The following FOXP1 variants were observed in gnomAD, a reference collection of about 807,000 sequenced individuals.
FOXP1 encodes the protein forkhead box P1, also known as forkhead box protein P1.
Under a neutral mutation model 98.2 loss-of-function variants are expected in FOXP1, and 15 were observed. The observed-to-expected ratio is 0.15, with a 90% CI of 0.10 to 0.24. The LOEUF (loss-of-function observed/expected upper bound fraction) is 0.24, where lower values mean the gene tolerates loss of function less well. FOXP1 is among the 10% of genes least tolerant of loss of function. FOXP1 has a pLI of 1.00. For missense variants in FOXP1, 633 were observed against 848.5 expected (o/e 0.75, Z 3.15); for synonymous variants, 371 against 314.5 (o/e 1.18, Z -1.90).
At chr3:71,303,959 A>T (rs2074064046) in intron 4 of FOXP1, among the ~76,000 whole-genome samples, 1 of 152,200 alleles carries the variant, frequency 6.6e-6, no homozygotes, top group South Asian at 2.1e-4. Flanking sequence ...TTGCAGCTTC[A>T]CAAACACTAC....
chr3:71,156,768 A>C (rs2060844554), intron 6 of FOXP1, among the ~76,000 whole-genome samples: 1 of 151,992 alleles, frequency 6.6e-6, no homozygotes, highest in Non-Finnish European at 1.5e-5. Flanking sequence ...AAATGGGCAA[A>C]AAAGAAGACA....
chr3:71,388,065 A>G (rs768900625), intron 3 of FOXP1, among the ~76,000 whole-genome samples: 15 of 152,228 alleles, frequency 9.9e-5, no homozygotes, highest in Non-Finnish European at 1.5e-4. Context: ...AATATAGCCA[A>G]TGCAGCCAGT....
At chr3:71,420,864 G>T (rs1328611621) in intron 3 of FOXP1, among the ~76,000 whole-genome samples, 1 of 151,944 alleles carries the variant, frequency 6.6e-6, no homozygotes, top group Non-Finnish European at 1.5e-5. Context: ...CTGCCACCAT[G>T]CCCGGCTAAT....
chr3:70,961,593 C>T (rs775373367), intron 20 of FOXP1, among the ~76,000 whole-genome samples: 76 of 151,872 alleles, frequency 5.0e-4, no homozygotes, highest in Non-Finnish European at 1.1e-3. Flanking sequence ...TGGGGAGTCA[C>T]CCTCCCAGCA....
intron 7 of FOXP1, among the ~76,000 whole-genome samples, chr3:71,099,424 A>G (rs1371129047): frequency 6.6e-6 from 1 of 152,162 alleles, no homozygotes; most frequent in Non-Finnish European, 1.5e-5. Flanking sequence ...AGGCGGGAGA[A>G]TTGCTTGAAC....
intron 6 of FOXP1, among the ~76,000 whole-genome samples, chr3:71,171,332 C>G (rs1454696386): frequency 9.9e-5 from 15 of 152,182 alleles, no homozygotes; most frequent in Admixed American, 9.2e-4. Flanking sequence ...TACTACCAGA[C>G]AGAAACTCTT....
chr3:71,172,060 C>T (rs1404906006), intron 6 of FOXP1, among the ~76,000 whole-genome samples: 1 of 152,164 alleles, frequency 6.6e-6, no homozygotes, highest in African/African-American at 2.4e-5. Context: ...AGTAACAACC[C>T]AACCTGCTAT....
chr3:71,041,775 CACAGTT>C (rs1309614029), intron 10 of FOXP1, among the ~76,000 whole-genome samples: 1 of 152,062 alleles, frequency 6.6e-6, no homozygotes, highest in Non-Finnish European at 1.5e-5. Flanking sequence ...TGACTCAAAA[CACAGTT>C]ACTTTGCCAC....
At chr3:71,496,592 C>T (rs1407804547) in intron 2 of FOXP1, among the ~76,000 whole-genome samples, 4 of 152,056 alleles carry the variant, frequency 2.6e-5, no homozygotes, top group African/African-American at 4.8e-5. Flanking sequence ...GAGGCCGAGG[C>T]GGGCGGATCA....
At chr3:71,380,574 G>A (rs149030669) in intron 3 of FOXP1, among the ~76,000 whole-genome samples, 3 of 152,188 alleles carry the variant, frequency 2.0e-5, no homozygotes, top group African/African-American at 7.2e-5. Flanking sequence ...AAACATTTTC[G>A]GCAACTTAGA....
In FOXP1 at chr3:71,496,822, A is replaced by AAAC. The variant is rs151031535; in HGVS notation, c.-297-3270_-297-3268dup. On this transcript the variant is annotated intron_variant, in intron 2 of 20. Coordinates refer to ENST00000649528, the MANE Select transcript of FOXP1 (RefSeq NM_001349338.3). The stretch of plus-strand genomic sequence containing the variant: ...CTCTGTCTAAAAAAACAAAAGAAAC[A>AAAC]AACAACAACAACAAAAAGACAAAAA... Among the ~76,000 whole-genome samples, 1,062 of 152,026 alleles carry AAAC rather than the reference A, an allele frequency of 7.0e-3. 13 individuals carry two copies. Among genetic ancestry groups the AAAC allele is most frequent in the African/African-American group, 0.024 (1,007 of 41,390 alleles).
chr3:71,015,878 T>A (rs1358286139), intron 11 of FOXP1, among the ~76,000 whole-genome samples: 1 of 152,206 alleles, frequency 6.6e-6, no homozygotes, highest in Non-Finnish European at 1.5e-5. Context: ...GAAATGTACA[T>A]CTATGTATGA....
chr3:71,564,699 C>T (rs2046782299), intron 2 of FOXP1, among the ~76,000 whole-genome samples: 2 of 152,194 alleles, frequency 1.3e-5, no homozygotes, highest in Admixed American at 1.3e-4. Context: ...ATGTCAATTA[C>T]AGAGTTTTCT....
At chr3:71,357,990 GATTAACCCTCT>G (rs2078280870) in intron 4 of FOXP1, among the ~76,000 whole-genome samples, 2 of 152,044 alleles carry the variant, frequency 1.3e-5, no homozygotes, top group African/African-American at 4.8e-5. Context: ...TTGGGATTCT[GATTAACCCTCT>G]ATTCCCAAAG....
At chr3:70,980,470 G>A (rs949799393) in intron 14 of FOXP1, among the ~76,000 whole-genome samples, 1 of 152,108 alleles carries the variant, frequency 6.6e-6, no homozygotes, top group Non-Finnish European at 1.5e-5. Flanking sequence ...TAATATCTGA[G>A]ATGTTATTAC....
At chr3:71,477,256 C>T (rs2089927903) in intron 3 of FOXP1, among the ~76,000 whole-genome samples, 1 of 152,124 alleles carries the variant, frequency 6.6e-6, no homozygotes, top group South Asian at 2.1e-4. Context: ...TGGAAGTGTC[C>T]CATTCTAGGC....
rs533487297 is a variant in FOXP1 at position 71,425,109 on chromosome 3, CGTTTT to C, written c.-167-65870_-167-65866del. ...TTCATTTTCCTGTTTTTTTTTGTTT[CGTTTT>C]GTTTTGTTTTGTTTTGTATGAGACA... On this transcript the variant is annotated intron_variant, in intron 3 of 20. Transcript: ENST00000649528. Among the ~76,000 whole-genome samples, 363 of 149,418 alleles carry C rather than the reference CGTTTT, an allele frequency of 2.4e-3. 1 individual carries two copies. Among genetic ancestry groups the C allele is most frequent in the African/African-American group, 8.5e-3 (346 of 40,884 alleles).
At chr3:71,053,908 G>C in intron 7 of FOXP1, 135 bp from the exon 8 acceptor site, 3 of 892,422 alleles carry the variant, frequency 3.4e-6, no homozygotes, top group East Asian at 2.6e-5. Flanking sequence ...TATCCAGAGG[G>C]GATGCAGCAA....
At chr3:71,068,191 T>C (rs1396144226) in intron 7 of FOXP1, among the ~76,000 whole-genome samples, 1 of 152,172 alleles carries the variant, frequency 6.6e-6, no homozygotes, top group Non-Finnish European at 1.5e-5. Flanking sequence ...TGTCAGTTGC[T>C]AAATGAGTCC....
Sources: allele counts gnomAD v4.1 joint callset (sites outside exome capture counted in the v4.1 genomes callset), GRCh38; gene constraint gnomAD v4.1.1; transcripts MANE v1.5; gene names NCBI Gene and HGNC (gene_info 2026-07-23, HGNC 2026-07-21).